The following PAPPA2 variants were observed in gnomAD, a reference collection of about 807,000 sequenced individuals.
The protein encoded by PAPPA2 is pappalysin 2, also known as pappalysin-2.
In PAPPA2, 86 loss-of-function variants were observed where a neutral mutation model predicts 176.4. That is an observed-to-expected ratio of 0.49 (90% CI 0.41 to 0.58). The LOEUF is 0.58. PAPPA2 is among the 20% of genes least tolerant of loss of function. The pLI, the probability that PAPPA2 is intolerant of heterozygous loss-of-function variation, is 0.00. For synonymous variants in PAPPA2, 809 were observed against 852.2 expected (o/e 0.95, Z 0.88); for missense variants, 2,073 against 2,256.9 (o/e 0.92, Z 1.65).
chr1:176,791,256 G>A, intron 18 of PAPPA2, 91 bp from the exon 19 acceptor site: 1 of 935,440 alleles, frequency 1.1e-6, no homozygotes. Flanking sequence ...TTCTAGAACT[G>A]GAGAATACTA....
chr1:176,607,824 G>C (rs1367173293), intron 3 of PAPPA2, among the ~76,000 whole-genome samples: 2 of 152,124 alleles, frequency 1.3e-5, no homozygotes. Flanking sequence ...ATTTTTATTA[G>C]TGTACTTTTA....
intron 12 of PAPPA2, among the ~76,000 whole-genome samples, chr1:176,731,024 C>A (rs1404462301): frequency 1.3e-5 from 2 of 151,946 alleles, no homozygotes; most frequent in African/African-American, 4.8e-5. Flanking sequence ...AATTAAGGGC[C>A]AGTCCAAGGT....
At chr1:176,764,635 C>A (rs1043749960) in intron 14 of PAPPA2, among the ~76,000 whole-genome samples, 22 of 147,070 alleles carry the variant, frequency 1.5e-4, no homozygotes, top group Admixed American at 2.8e-4. Flanking sequence ...CTCGCTCTGT[C>A]GCTCAGGCTG....
At position 176,585,633 on chromosome 1, in the gene PAPPA2, T is replaced by C. The variant is rs185867459; in HGVS notation, c.920-8891T>C. On this transcript the variant is annotated intron_variant, in intron 2 of 22. Transcript: ENST00000367662. ...TCCCATAATGCCAATATTTGTTCAC[T>C]TACTGATGTTTCATACATTTTTGTA... Among the ~76,000 whole-genome samples, 17 of 152,258 alleles carry C rather than the reference T, an allele frequency of 1.1e-4. No homozygotes were observed. In the East Asian group the frequency reaches 3.3e-3, roughly 29 times the overall value.
intron 3 of PAPPA2, among the ~76,000 whole-genome samples, chr1:176,596,752 T>C (rs903268023): frequency 1.3e-5 from 2 of 152,200 alleles, no homozygotes; most frequent in African/African-American, 4.8e-5. Flanking sequence ...ATGGATCTGG[T>C]GTGTCTCTTG....
chr1:176,826,691 G>C (rs1264728093), intron 21 of PAPPA2, among the ~76,000 whole-genome samples: 2 of 152,326 alleles, frequency 1.3e-5, no homozygotes, highest in East Asian at 3.9e-4. Context: ...GAATAAACAT[G>C]ATACCTCCCT....
intron 3 of PAPPA2, among the ~76,000 whole-genome samples, chr1:176,597,796 C>T (rs28418644): frequency 6.6e-6 from 1 of 152,116 alleles, no homozygotes; most frequent in Non-Finnish European, 1.5e-5. Context: ...CTTAGGATCC[C>T]CCAGATAAAT....
At chr1:176,818,331 G>C (rs897285873) in intron 21 of PAPPA2, among the ~76,000 whole-genome samples, 5 of 152,134 alleles carry the variant, frequency 3.3e-5, no homozygotes, top group African/African-American at 1.2e-4. Context: ...CAAGTGAGAA[G>C]GGAGTAACAA....
rs115116151 is a variant in PAPPA2, at chr1:176,722,826, C to T, written c.3798+10845C>T. 4.5e-3 allele frequency among the ~76,000 whole-genome samples: 683 copies of T among 152,222 alleles called. 1 individual carries two copies. The highest frequency in any genetic ancestry group is 0.016 in the African/African-American group (645 of 41,540). On this transcript the variant is annotated intron_variant, in intron 12 of 22. Coordinates refer to ENST00000367662, the MANE Select transcript of PAPPA2 (RefSeq NM_020318.3). ...TGCCAGGACAGTTTGTTGTATTACA[C>T]GCTACTCTATAATAGCTGAAAATAG...
At chr1:176,584,774 A>G (rs1653205799) in intron 2 of PAPPA2, among the ~76,000 whole-genome samples, 1 of 151,594 alleles carries the variant, frequency 6.6e-6, no homozygotes, top group Non-Finnish European at 1.5e-5. Flanking sequence ...TTGCTCTGTC[A>G]CCCAGGTTGG....
In PAPPA2 at chr1:176,710,017, T is replaced by A; in HGVS notation, c.3492T>A (p.Asp1164Glu). 1 of 1,612,292 alleles carries A rather than the reference T, an allele frequency of 6.2e-7. No individual in the cohort carries two copies. The highest frequency in any genetic ancestry group is 8.5e-7 in the Non-Finnish European group (1 of 1,178,800). ...EPSLCYMYEG[D>E]GICEPFERKT... ...GCCTTTGCTACATGTATGAGGGAGATGGCATATGTGAACCTTTTGAGAGAA... is the reference window on the plus strand; with the variant it reads ...GCCTTTGCTACATGTATGAGGGAGAAGGCATATGTGAACCTTTTGAGAGAA... Residue 1164 changes from aspartate (D) to glutamate (E), a missense_variant, in exon 11 of 23, where the codon GAT becomes GAA. This residue lies in a region of PAPPA2 where 846 missense variants were observed against 857.9 expected (regional missense o/e 0.99). Transcript: ENST00000367662.
Position 176,594,798 on chromosome 1 carries a change from C to T in PAPPA2, c.1194C>T (p.Pro398=). The T allele has an allele frequency of 6.2e-7, 1 of 1,614,224 alleles. No individual in the cohort carries two copies. The highest frequency in any genetic ancestry group is 8.5e-7 in the Non-Finnish European group (1 of 1,180,042). The change falls in exon 3 of 23, where the codon CCC becomes CCT. Residue 398 remains proline (P), a synonymous_variant. Coordinates refer to ENST00000367662, the MANE Select transcript of PAPPA2 (RefSeq NM_020318.3). ...SLDQSGPLNS[P]FMASCRSLLL... is the part of the protein sequence containing the mutation. ...ACCAGTCTGGTCCCCTGAACAGCCC[C>T]TTCATGGCATCTTGCCGCTCTTTGC...
At chr1:176,756,787 T>C (rs1006104293) in intron 14 of PAPPA2, among the ~76,000 whole-genome samples, 3 of 152,158 alleles carry the variant, frequency 2.0e-5, no homozygotes, top group Non-Finnish European at 4.4e-5. Context: ...GGTATACATG[T>C]GCCATGTTGG....
chr1:176,487,708 T>C (rs1652708697), intron 1 of PAPPA2, among the ~76,000 whole-genome samples: 1 of 151,934 alleles, frequency 6.6e-6, no homozygotes, highest in South Asian at 2.1e-4. Context: ...CTTGTAGGGG[T>C]AGAGGTTGAG....
chr1:176,680,825 A>G (rs747292868), intron 4 of PAPPA2, among the ~76,000 whole-genome samples: 1 of 152,204 alleles, frequency 6.6e-6, no homozygotes, highest in Non-Finnish European at 1.5e-5. Context: ...GATGAATAGT[A>G]ATTATTGCTG....
At chr1:176,513,096 G>A (rs1189214434) in intron 1 of PAPPA2, among the ~76,000 whole-genome samples, 1 of 152,014 alleles carries the variant, frequency 6.6e-6, no homozygotes, top group Non-Finnish European at 1.5e-5. Flanking sequence ...CAGCTCTCCT[G>A]GGCCTGGACT....
intron 6 of PAPPA2, among the ~76,000 whole-genome samples, chr1:176,693,148 A>T (rs1660201291): frequency 6.6e-6 from 1 of 152,200 alleles, no homozygotes; most frequent in Admixed American, 6.5e-5. Flanking sequence ...CCCTTCTGTG[A>T]CCTGTGCAGA....
intron 14 of PAPPA2, among the ~76,000 whole-genome samples, chr1:176,755,099 T>G (rs1342010809): frequency 1.3e-5 from 2 of 152,136 alleles, no homozygotes; most frequent in African/African-American, 4.8e-5. Flanking sequence ...GCAAAAGAAC[T>G]GAAGACAATA....
intron 12 of PAPPA2, among the ~76,000 whole-genome samples, chr1:176,732,147 A>G (rs768884485): frequency 1.3e-5 from 2 of 152,302 alleles, no homozygotes; most frequent in Middle Eastern, 3.4e-3. Flanking sequence ...AAGTCCAATC[A>G]CTACTTTGGA....
Sources: gnomAD v4.1 joint callset for allele counts (sites outside exome capture counted in the v4.1 genomes callset) on GRCh38, gnomAD v4.1.1 for gene constraint, gnomAD v4.1.1 regional missense constraint, MANE v1.5 for transcripts, NCBI Gene and HGNC (gene_info 2026-07-23, HGNC 2026-07-21) for gene names.